SCN4B: variants seen among roughly 807,000 people sequenced by gnomAD.
SCN4B encodes sodium channel regulatory subunit beta-4.
A neutral mutation model predicts 19.6 loss-of-function variants in SCN4B; 20 were observed. The observed-to-expected ratio is 1.02, with a 90% CI of 0.72 to 1.48. The LOEUF is 1.48. SCN4B is among the 40% of genes most tolerant of loss of function. The pLI, the probability that SCN4B is intolerant of heterozygous loss-of-function variation, is 0.00. For synonymous variants in SCN4B, 127 were observed against 122.8 expected, an observed-to-expected ratio of 1.03 and a Z score of -0.22; for missense variants, 271 against 287.5, an observed-to-expected ratio of 0.94 and a Z score of 0.42.
intron 1 of SCN4B, among the ~76,000 whole-genome samples, chr11:118,149,659 A>T (rs1032840529): frequency 6.6e-6 from 1 of 152,204 alleles, no homozygotes; most frequent in African/African-American, 2.4e-5. Context: ...CAGCTTTGCA[A>T]ACAAGTCCCA....
chr11:118,146,003 G>T (rs1272028502), intron 1 of SCN4B, among the ~76,000 whole-genome samples: 1 of 152,092 alleles, frequency 6.6e-6, no homozygotes, highest in African/African-American at 2.4e-5. Flanking sequence ...CGCAGCCAGG[G>T]TGGGAAAGTC....
At chr11:118,139,208 A>C (rs1201594930) in intron 4 of SCN4B, among the ~76,000 whole-genome samples, 5 of 150,664 alleles carry the variant, frequency 3.3e-5, no homozygotes, top group African/African-American at 1.2e-4. Context: ...CTCTCAACAA[A>C]CAAAAGGCTT....
chr11:118,144,056 T>C lies in SCN4B; in HGVS notation c.240A>G (p.Ile80Met). 1 of 1,609,388 alleles carries C rather than the reference T, an allele frequency of 6.2e-7. No homozygotes were observed. Among genetic ancestry groups the C allele is most frequent in the Non-Finnish European group, 8.5e-7 (1 of 1,175,812 alleles). The change falls in exon 3 of 5, where the codon ATA (isoleucine) becomes ATG (methionine). Residue 80 changes from isoleucine (I) to methionine (M), a missense_variant. Physicochemically the swap from Ile to Met is conservative, Grantham distance 10. Coordinates refer to ENST00000324727, the MANE Select transcript of SCN4B (RefSeq NM_174934.4). ...YNSSDAFKIL[I>M]EGTVKNEKSD... is the part of the protein sequence containing the mutation. ...ACTTCTCATTCTTCACAGTCCCCTC[T>C]ATGAGCTGGTGGAGGAAGGGAGTTG...
rs757355479 is a variant in SCN4B, at chr11:118,136,945, G to A, written c.*82C>T. ...GCCAAGCAGCAGATGTCTCAGGCAC[G>A]TGGGTTCTACGGTCGGGGCTCAAGC... is the stretch of plus-strand genomic sequence containing the variant. On this transcript the variant is annotated 3_prime_UTR_variant, in exon 5 of 5. Transcript: ENST00000324727. 1.5e-5 allele frequency: 14 copies of A among 939,260 alleles called. No homozygotes were observed. Among genetic ancestry groups the A allele is most frequent in the Non-Finnish European group, 2.1e-5 (12 of 580,190 alleles). The allele number at this position is 939,260 out of a possible 1,614,324, so 58.2% of individuals were successfully genotyped here. A position where few individuals can be genotyped will look rare whatever the true frequency, so the allele number is the denominator to read the frequency against.
At chr11:118,151,130 A>ATG (rs1948229728) in intron 1 of SCN4B, among the ~76,000 whole-genome samples, 1 of 142,842 alleles carries the variant, frequency 7.0e-6, no homozygotes, top group Non-Finnish European at 1.6e-5. Context: ...GTGCACACAC[A>ATG]CACACACACA....
Position 118,152,669 on chromosome 11 carries a change from G to A in SCN4B, c.5C>T (p.Pro2Leu). Reference sequence around the variant, plus strand: ...GGCTTTGCCTCCGTCCCCAGCCCCGGGCATAGTCCTGTTCTCTCCGGAGCG... The same window carrying A: ...GGCTTTGCCTCCGTCCCCAGCCCCGAGCATAGTCCTGTTCTCTCCGGAGCG... Reference protein sequence around the residue: MPGAGDGGKAPA... With the variant: MLGAGDGGKAPA... Residue 2 changes from proline (P) to leucine (L), a missense_variant, in exon 1 of 5, where the codon CCC becomes CTC. Coordinates refer to ENST00000324727, the MANE Select transcript of SCN4B (RefSeq NM_174934.4). 6.2e-7 allele frequency: 1 copy of A among 1,609,958 alleles called. No individual in the cohort carries two copies. The highest frequency in any genetic ancestry group is 1.7e-4 in the Middle Eastern group (1 of 6,024).
Position 118,137,021 on chromosome 11 carries a change from C to T in SCN4B, c.*6G>A, listed in dbSNP as rs1948021219. On this transcript the variant is annotated 3_prime_UTR_variant, in exon 5 of 5. Transcript: ENST00000324727. ...CTCCCTGCAGCTGCTCAGCCCGAAG[C>T]AGGGCTCACACTTTTGAAGGTGGTT... The T allele has an allele frequency of 1.2e-6, 2 of 1,605,566 alleles. No homozygotes were observed. Among genetic ancestry groups the T allele is most frequent in the Non-Finnish European group, 1.7e-6 (2 of 1,172,352 alleles).
chr11:118,136,502 G>A lies in SCN4B; in HGVS notation c.*525C>T. 2.2e-6 allele frequency: 1 copy of A among 453,984 alleles called. No individual in the cohort carries two copies. Among genetic ancestry groups the A allele is most frequent in the South Asian group, 1.6e-5 (1 of 64,472 alleles). 28.1% of individuals were successfully genotyped at this position (453,984 alleles called of 1,614,324 possible). ...GACTGTGGGGGATCTGGTATCCTATGAAGCAGAGGCAGTCTCTCACTGTGG... is the reference window on the plus strand; with the variant it reads ...GACTGTGGGGGATCTGGTATCCTATAAAGCAGAGGCAGTCTCTCACTGTGG... On this transcript the variant is annotated 3_prime_UTR_variant, in exon 5 of 5. Coordinates refer to ENST00000324727, the MANE Select transcript of SCN4B (RefSeq NM_174934.4).
intron 1 of SCN4B, among the ~76,000 whole-genome samples, chr11:118,147,583 G>A (rs1017733224): frequency 5.3e-5 from 8 of 152,080 alleles, no homozygotes; most frequent in South Asian, 4.2e-4. Context: ...GCCCTCCTCC[G>A]CCCCATCTCC....
At chr11:118,140,574 G>T (rs1481894994) in intron 4 of SCN4B, among the ~76,000 whole-genome samples, 1 of 152,300 alleles carries the variant, frequency 6.6e-6, no homozygotes, top group East Asian at 1.9e-4. Context: ...ACCACATGCT[G>T]CTCTGGAGCC....
In SCN4B at chr11:118,145,213, G is replaced by C; in HGVS notation, c.78C>G (p.Pro26=). 6.2e-7 allele frequency: 1 copy of C among 1,614,072 alleles called. No homozygotes were observed. The highest frequency in any genetic ancestry group is 1.1e-5 in the South Asian group (1 of 91,070). The change falls in exon 2 of 5, where the codon CCC becomes CCG. Residue 26 remains proline, a synonymous_variant. Coordinates refer to ENST00000324727, the MANE Select transcript of SCN4B (RefSeq NM_174934.4). Reference sequence around the variant, plus strand: ...CAGACACCTCCAGCGACAGGGTTACGGGGAGCAGGAAGAGGCCTGTGTAAG... The same window carrying C: ...CAGACACCTCCAGCGACAGGGTTACCGGGAGCAGGAAGAGGCCTGTGTAAG... The part of the protein sequence containing the change: ...GTGLLGLFLL[P]VTLSLEVSVG...
At chr11:118,147,350 C>G (rs1477364184) in intron 1 of SCN4B, among the ~76,000 whole-genome samples, 1 of 152,114 alleles carries the variant, frequency 6.6e-6, no homozygotes, top group Non-Finnish European at 1.5e-5. Context: ...TCATTTAACC[C>G]TCATCATAAT....
At position 118,136,038 on chromosome 11, in the gene SCN4B, G is replaced by GGGGT; in HGVS notation, c.*988_*989insACCC. 1.7e-5 allele frequency: 1 copy of GGGGT among 59,178 alleles called. No homozygotes were observed. Among genetic ancestry groups the GGGGT allele is most frequent in the Admixed American group, 1.5e-4 (1 of 6,780 alleles). 3.7% of individuals were successfully genotyped at this position (59,178 alleles called of 1,614,324 possible). A position where few individuals can be genotyped will look rare whatever the true frequency, so the allele number is the denominator to read the frequency against. ...GGCAGGGCGTGATGGAGGGCACGGT[G>GGGGT]GGGGGGGGGGAGCGAGCCAATGGGA... On this transcript the variant is annotated 3_prime_UTR_variant, in exon 5 of 5. Transcript: ENST00000324727.
chr11:118,142,054 A>C (rs1201138267), intron 3 of SCN4B, among the ~76,000 whole-genome samples: 1 of 152,226 alleles, frequency 6.6e-6, no homozygotes, highest in African/African-American at 2.4e-5. Flanking sequence ...AATATTCCAG[A>C]ATCTGATGGC....
chr11:118,143,444 CT>C, intron 3 of SCN4B, among the ~76,000 whole-genome samples: 1 of 152,316 alleles, frequency 6.6e-6, no homozygotes, highest in South Asian at 2.1e-4. Flanking sequence ...ACTCATAGCA[CT>C]TTTTAGTCCA....
In SCN4B at chr11:118,134,289, A is replaced by C. The variant is rs1244370032; in HGVS notation, c.*2738T>G. On this transcript the variant is annotated 3_prime_UTR_variant, in exon 5 of 5. Coordinates refer to ENST00000324727, the MANE Select transcript of SCN4B (RefSeq NM_174934.4). ...TAGTCTCGCTGACATCACTCAGCCCAGCTGCATGTGGCCAGGTCTCTCAAG... is the reference window on the plus strand; with the variant it reads ...TAGTCTCGCTGACATCACTCAGCCCCGCTGCATGTGGCCAGGTCTCTCAAG... 1.5e-5 allele frequency: 7 copies of C among 454,160 alleles called. No homozygotes were observed. The highest frequency in any genetic ancestry group is 1.1e-4 in the South Asian group (7 of 64,474). The allele number at this position is 454,160 out of a possible 1,614,324, so 28.1% of individuals were successfully genotyped here.
chr11:118,134,659 A>G lies in SCN4B; in HGVS notation c.*2368T>C, dbSNP rs1297258011. On this transcript the variant is annotated 3_prime_UTR_variant, in exon 5 of 5. Coordinates refer to ENST00000324727, the MANE Select transcript of SCN4B (RefSeq NM_174934.4). ...GTTTCTAATATTGCAAAGACTAAAT[A>G]ATTCCAAGGGGGGTGGGATGGAAAG... 6.6e-6 allele frequency: 3 copies of G among 453,970 alleles called. No homozygotes were observed. The highest frequency in any genetic ancestry group is 1.3e-5 in the Non-Finnish European group (3 of 226,778). 28.1% of individuals were successfully genotyped at this position (453,970 alleles called of 1,614,324 possible). A position where few individuals can be genotyped will look rare whatever the true frequency, so the allele number is the denominator to read the frequency against.
In SCN4B at chr11:118,134,992, ACGTG is replaced by A. The variant is rs1947975172; in HGVS notation, c.*2031_*2034del. 2 of 453,930 alleles carry A rather than the reference ACGTG, an allele frequency of 4.4e-6. No individual in the cohort carries two copies. The highest frequency in any genetic ancestry group is 8.8e-6 in the Non-Finnish European group (2 of 226,774). The allele number at this position is 453,930 out of a possible 1,614,324, so 28.1% of individuals were successfully genotyped here. ...ATGGTGCCCTTCTTCTCCCTACTCT[ACGTG>A]CCTTGGCTTTCTCTTAAGACAGAAG... On this transcript the variant is annotated 3_prime_UTR_variant, in exon 5 of 5. Transcript: ENST00000324727.
intron 1 of SCN4B, among the ~76,000 whole-genome samples, chr11:118,149,197 C>A (rs1187530464): frequency 6.6e-6 from 1 of 152,164 alleles, no homozygotes; most frequent in Non-Finnish European, 1.5e-5. Flanking sequence ...ACCATATATC[C>A]CAAGGCAAAT....
Sources: gnomAD v4.1 joint callset for allele counts (sites outside exome capture counted in the v4.1 genomes callset) on GRCh38, gnomAD v4.1.1 for gene constraint, MANE v1.5 for transcripts, NCBI Gene and HGNC (gene_info 2026-07-23, HGNC 2026-07-21) for gene names.